PHACTR4: variants seen among roughly 807,000 people sequenced by gnomAD.
PHACTR4 encodes the protein protein phosphatase 1, regulatory subunit 124.
Under a neutral mutation model 72.7 loss-of-function variants are expected in PHACTR4, and 51 were observed. The ratio of observed to expected loss-of-function variants is 0.70; its 90% CI spans 0.56 to 0.89. The LOEUF (loss-of-function observed/expected upper bound fraction) is 0.89, where lower values mean the gene tolerates loss of function less well. Among genes scored for constraint, PHACTR4 ranks in the 40% least tolerant of loss-of-function variants. The pLI, the probability that PHACTR4 is intolerant of heterozygous loss-of-function variation, is 0.00. For synonymous variants in PHACTR4, 255 were observed against 302.5 expected, an observed-to-expected ratio of 0.84 and a Z score of 1.63; for missense variants, 731 against 861.8, an observed-to-expected ratio of 0.85 and a Z score of 1.90.
At chr1:28,448,735 C>T (rs1298032298) in intron 2 of PHACTR4, among the ~76,000 whole-genome samples, 1 of 117,666 alleles carries the variant, frequency 8.5e-6, no homozygotes, top group Non-Finnish European at 1.6e-5. Context: ...GCACTCCAGC[C>T]TGGGCGACAG....
rs891422733 is a variant in PHACTR4, at chr1:28,421,369, C to T, written c.16+13906C>T. Among the ~76,000 whole-genome samples the T allele has an allele frequency of 4.6e-5, 7 of 151,610 alleles. No individual in the cohort carries two copies. The East Asian group carries it at 1.2e-3, about 25-fold the overall frequency. ...GATGGTGCTGATGGCCTCTAATCCT[C>T]GTTGAAGATTCGTGGGTTTTTTTGT... On this transcript the variant is annotated intron_variant, in intron 2 of 13. Coordinates refer to ENST00000373839, the MANE Select transcript of PHACTR4 (RefSeq NM_001048183.3).
chr1:28,372,175 G>A (rs1228367025), intron 1 of PHACTR4, among the ~76,000 whole-genome samples: 2 of 151,928 alleles, frequency 1.3e-5, no homozygotes, highest in South Asian at 2.1e-4. Context: ...GTGAGCCACC[G>A]TGCCTGGCCA....
intron 9 of PHACTR4, chr1:28,481,230 G>C (rs2124524726): frequency 6.6e-6 from 1 of 152,192 alleles, no homozygotes; most frequent in Admixed American, 6.6e-5. Context: ...GGGTCTCTCT[G>C]TGTTTCCCAG....
chr1:28,412,649 G>A (rs1031559893), intron 2 of PHACTR4, among the ~76,000 whole-genome samples: 1 of 152,144 alleles, frequency 6.6e-6, no homozygotes, highest in Non-Finnish European at 1.5e-5. Flanking sequence ...TACCATCAGT[G>A]CAAGTGTCAA....
At chr1:28,381,975 C>T (rs1652207589) in intron 1 of PHACTR4, among the ~76,000 whole-genome samples, 1 of 151,992 alleles carries the variant, frequency 6.6e-6, no homozygotes, top group African/African-American at 2.4e-5. Context: ...AACATGTTGG[C>T]CAGGCTGGTC....
At chr1:28,484,826 G>GGT (rs1557847463) in intron 9 of PHACTR4, among the ~76,000 whole-genome samples, 3 of 151,660 alleles carry the variant, frequency 2.0e-5, no homozygotes, top group African/African-American at 7.3e-5. Context: ...AATTTAGCCG[G>GGT]GTGGTGGCAG....
intron 2 of PHACTR4, among the ~76,000 whole-genome samples, chr1:28,435,069 T>C (rs1365246472): frequency 2.6e-5 from 4 of 152,202 alleles, no homozygotes; most frequent in Admixed American, 6.5e-5. Flanking sequence ...ATTTGCTTAA[T>C]ATTTCTATAC....
intron 2 of PHACTR4, among the ~76,000 whole-genome samples, chr1:28,423,464 G>A (rs982057701): frequency 6.6e-5 from 10 of 151,092 alleles, no homozygotes; most frequent in Admixed American, 3.3e-4. Context: ...AATATCTTGC[G>A]CTCTCATAAA....
At position 28,448,688 on chromosome 1, in the gene PHACTR4, G is replaced by A. The variant is rs566584970; in HGVS notation, c.17-10397G>A. 3.9e-3 allele frequency among the ~76,000 whole-genome samples: 562 copies of A among 144,188 alleles called. 4 individuals carry two copies. The highest frequency in any genetic ancestry group is 0.014 in the African/African-American group (521 of 37,188). The allele number at this position is 144,188 out of a possible 152,430, so 94.6% of individuals were successfully genotyped here. On this transcript the variant is annotated intron_variant, in intron 2 of 13. Coordinates refer to ENST00000373839, the MANE Select transcript of PHACTR4 (RefSeq NM_001048183.3). Reference sequence around the variant, plus strand: ...GAGGCAGGAGAATGGCGTGAACCCGGGAGGTGGAGCTTGCAGTGAGCCGAG... The same window carrying A: ...GAGGCAGGAGAATGGCGTGAACCCGAGAGGTGGAGCTTGCAGTGAGCCGAG...
At chr1:28,445,434 C>T (rs74660147) in intron 2 of PHACTR4, among the ~76,000 whole-genome samples, 15,760 of 152,030 alleles carry the variant, frequency 0.1, 1,882 homozygotes, top group African/African-American at 0.3. Flanking sequence ...AATAAATTCT[C>T]TCCAACCATT....
At chr1:28,440,545 A>G (rs1268754206) in intron 2 of PHACTR4, among the ~76,000 whole-genome samples, 9 of 151,164 alleles carry the variant, frequency 6.0e-5, no homozygotes, top group African/African-American at 1.5e-4. Flanking sequence ...CATCAATTCT[A>G]TTCCTACCAG....
chr1:28,413,047 T>C (rs1654885121), intron 2 of PHACTR4, among the ~76,000 whole-genome samples: 1 of 152,080 alleles, frequency 6.6e-6, no homozygotes, highest in Non-Finnish European at 1.5e-5. Context: ...AACAGTTTCA[T>C]CCCAAACCAC....
chr1:28,488,044 T>C (rs2124547318), intron 9 of PHACTR4, among the ~76,000 whole-genome samples: 1 of 151,628 alleles, frequency 6.6e-6, no homozygotes, highest in Admixed American at 6.6e-5. Context: ...GGCCAACAAA[T>C]TGTTATTGGT....
At chr1:28,472,779 ATTTTTTTTTTTTT>A (rs771078982) in intron 6 of PHACTR4, among the ~76,000 whole-genome samples, 1 of 127,590 alleles carries the variant, frequency 7.8e-6, no homozygotes, top group African/African-American at 2.9e-5. Flanking sequence ...AATTTTTGTA[ATTTTTTTTTTTTT>A]TTTTTAGTAG....
chr1:28,431,361 A>G (rs144019824), intron 2 of PHACTR4, among the ~76,000 whole-genome samples: 13,253 of 148,346 alleles, frequency 0.089, 1,261 homozygotes, highest in African/African-American at 0.24. Flanking sequence ...TGCCCAGCTA[A>G]TTTTTGTATT....
rs71672836 is a variant in PHACTR4, at chr1:28,475,729, C to CTTTTTTTTT, written c.1422-372_1422-364dup. Among the ~76,000 whole-genome samples the CTTTTTTTTT allele has an allele frequency of 1.5e-5, 2 of 135,304 alleles. 1 individual carries two copies. Among genetic ancestry groups the CTTTTTTTTT allele is most frequent in the African/African-American group, 5.9e-5 (2 of 33,988 alleles). The allele number at this position is 135,304 out of a possible 152,430, so 88.8% of individuals were successfully genotyped here. ...ATTTATGGTTATTTCAGTCCTTTGTCTTTTTTTTTTTTTTGAGATAGAATC... is the reference window on the plus strand; with the variant it reads ...ATTTATGGTTATTTCAGTCCTTTGTCTTTTTTTTTTTTTTTTTTTTTTTGAGATAGAATC... On this transcript the variant is annotated intron_variant, in intron 7 of 13. Coordinates refer to ENST00000373839, the MANE Select transcript of PHACTR4 (RefSeq NM_001048183.3).
chr1:28,385,729 C>A (rs1006096325), intron 1 of PHACTR4, among the ~76,000 whole-genome samples: 3 of 150,744 alleles, frequency 2.0e-5, no homozygotes, highest in South Asian at 2.1e-4. Context: ...GATTCTCATG[C>A]CTTAGCCTCC....
intron 2 of PHACTR4, among the ~76,000 whole-genome samples, chr1:28,414,449 A>AAT (rs1297405389): frequency 2.8e-4 from 41 of 147,056 alleles, no homozygotes; most frequent in African/African-American, 1.0e-3. Context: ...AAAAAAAAAA[A>AAT]GCACCGCAGC....
At chr1:28,492,472 A>G (rs1188744652) in intron 12 of PHACTR4, among the ~76,000 whole-genome samples, 1 of 149,974 alleles carries the variant, frequency 6.7e-6, no homozygotes, top group African/African-American at 2.5e-5. Context: ...TAAAAAAAAA[A>G]CAAAACTAGC....
Sources: gnomAD v4.1 joint callset for allele counts (sites outside exome capture counted in the v4.1 genomes callset) on GRCh38, gnomAD v4.1.1 for gene constraint, MANE v1.5 for transcripts, NCBI Gene and HGNC (gene_info 2026-07-23, HGNC 2026-07-21) for gene names.